The following NCKIPSD variants were observed in gnomAD, a reference collection of about 807,000 sequenced individuals.
NCKIPSD encodes NCK-interacting protein with SH3 domain.
NCKIPSD carries 48 observed loss-of-function variants against 73.4 expected under a neutral mutation model. That is an observed-to-expected ratio of 0.65 (90% CI 0.52 to 0.83). NCKIPSD has a LOEUF of 0.83. Ranked by LOEUF, NCKIPSD falls within the 40% of genes least tolerant of loss-of-function variation. The pLI, the probability that NCKIPSD is intolerant of heterozygous loss-of-function variation, is 0.00. For missense variants in NCKIPSD, 884 were observed against 970.2 expected (o/e 0.91, Z 1.18); for synonymous variants, 422 against 403.6 (o/e 1.05, Z -0.54).
At position 48,674,391 on chromosome 3, in the gene NCKIPSD, C is replaced by T. The variant is rs2077220177; in HGVS notation, c.*153G>A. On this transcript the variant is annotated 3_prime_UTR_variant, in exon 13 of 13. Coordinates refer to ENST00000294129, the MANE Select transcript of NCKIPSD (RefSeq NM_016453.4). Reference sequence around the variant, plus strand: ...ATGGTCCCCAATCCTACACTTGGCCCCTCTCTTAAGTTCTACTTCAGGTGG... The same window carrying T: ...ATGGTCCCCAATCCTACACTTGGCCTCTCTCTTAAGTTCTACTTCAGGTGG... 2.1e-6 allele frequency: 3 copies of T among 1,453,158 alleles called. No individual in the cohort carries two copies. The highest frequency in any genetic ancestry group is 2.4e-5 in the Admixed American group (1 of 41,034). The allele number at this position is 1,453,158 out of a possible 1,614,324, so 90.0% of individuals were successfully genotyped here.
At chr3:48,684,331 T>C (rs1441498988) in intron 1 of NCKIPSD, among the ~76,000 whole-genome samples, 1 of 152,182 alleles carries the variant, frequency 6.6e-6, no homozygotes, top group African/African-American at 2.4e-5. Context: ...CACAGGCCCT[T>C]GACCTATGCC....
intron 5 of NCKIPSD, 144 bp downstream of exon 5, chr3:48,681,143 T>C: frequency 7.9e-7 from 1 of 1,261,988 alleles, no homozygotes; most frequent in East Asian, 2.5e-5. Context: ...GCTTCAGAAA[T>C]CAGCTCAACG....
intron 1 of NCKIPSD, among the ~76,000 whole-genome samples, chr3:48,684,162 A>G (rs2077399836): frequency 6.6e-6 from 1 of 152,148 alleles, no homozygotes; most frequent in Admixed American, 6.5e-5. Flanking sequence ...AAACACACAC[A>G]TGTGGAGTCG....
Position 48,674,704 on chromosome 3 carries a change from G to A in NCKIPSD, c.2009C>T (p.Thr670Ile), listed in dbSNP as rs1440047371. 11 of 1,613,984 alleles carry A rather than the reference G, an allele frequency of 6.8e-6. No individual in the cohort carries two copies. The highest frequency in any genetic ancestry group is 9.3e-6 in the Non-Finnish European group (11 of 1,180,028). ...YLSLMHAIVR[T>I]TPYLQHRHRL... ...GTGGCGGTGCTGCAGGTAGGGTGTG[G>A]TGCGGACTATAGCATGCATCAGGGA... is the stretch of plus-strand genomic sequence containing the variant. Residue 670 changes from threonine (T) to isoleucine (I), a missense_variant, in exon 13 of 13, where the codon ACC (threonine) becomes ATC (isoleucine). By Grantham distance (89) the Thr-to-Ile change is moderately conservative (BLOSUM62 -1). Coordinates refer to ENST00000294129, the MANE Select transcript of NCKIPSD (RefSeq NM_016453.4).
chr3:48,682,425 C>A lies in NCKIPSD; in HGVS notation c.409G>T (p.Val137Leu), dbSNP rs150324090. The change falls in exon 3 of 13, where the codon GTG (valine) becomes TTG (leucine). Residue 137 changes from valine to leucine, a missense_variant. By Grantham distance (32) the Val-to-Leu change is conservative (BLOSUM62 1). Transcript: ENST00000294129. ...DAAAARQPNG[V>L]CRAGFERQHS... ...TGCCGCTCGAACCCAGCTCGACACA[C>A]CCCATTGGGCTGCCTGGCTGCAGCA... 197 of 1,614,160 alleles carry A rather than the reference C, an allele frequency of 1.2e-4. No individual in the cohort carries two copies. Among genetic ancestry groups the A allele is most frequent in the Middle Eastern group, 1.6e-4 (1 of 6,062 alleles).
rs149098672 is a variant in NCKIPSD, at chr3:48,679,728, T to C, written c.1351-15A>G. 93 of 1,614,146 alleles carry C rather than the reference T, an allele frequency of 5.8e-5. No individual in the cohort carries two copies. The East Asian group carries it at 2.1e-3, about 36-fold the overall frequency. On this transcript the variant is annotated splice_polypyrimidine_tract_variant and intron_variant, in intron 7 of 12. Coordinates refer to ENST00000294129, the MANE Select transcript of NCKIPSD (RefSeq NM_016453.4). ...GCTCGGTGTTCCTGGCAGGGAACCC[T>C]GCGTGCTCAGTGCCTGGAACTCCCC...
At chr3:48,684,191 G>A (rs1021067836) in intron 1 of NCKIPSD, among the ~76,000 whole-genome samples, 3 of 152,088 alleles carry the variant, frequency 2.0e-5, no homozygotes, top group African/African-American at 7.2e-5. Flanking sequence ...CAGGCAGAGA[G>A]GCACAGAGTC....
chr3:48,684,127 T>A (rs2077398881), intron 1 of NCKIPSD, among the ~76,000 whole-genome samples: 1 of 151,568 alleles, frequency 6.6e-6, no homozygotes, highest in African/African-American at 2.4e-5. Context: ...AGCCAGAGTG[T>A]GGGGGGAGCC....
chr3:48,680,269 GCCCT>G, intron 5 of NCKIPSD, 40 bp from the exon 6 acceptor site: 3 of 1,533,582 alleles, frequency 2.0e-6, no homozygotes, highest in Non-Finnish European at 2.6e-6. Flanking sequence ...CACACTCCCT[GCCCT>G]CACCATCTCC....
At chr3:48,681,100 C>T (rs551899884) in intron 5 of NCKIPSD, 187 bp downstream of exon 5, 243 of 885,820 alleles carry the variant, frequency 2.7e-4, no homozygotes, top group Admixed American at 8.5e-4. Flanking sequence ...GTCCAGGCTG[C>T]GCATCTGCCT....
chr3:48,679,020 G>A (rs1485563086), intron 10 of NCKIPSD, 35 bp downstream of exon 10: 4 of 1,614,048 alleles, frequency 2.5e-6, no homozygotes, highest in Admixed American at 3.3e-5. Context: ...GAGCCACCAT[G>A]TGCTCAGCCA....
At position 48,679,453 on chromosome 3, in the gene NCKIPSD, G is replaced by A. The variant is rs2106748775; in HGVS notation, c.1494C>T (p.His498=). 6.2e-7 allele frequency: 1 copy of A among 1,612,184 alleles called. No individual in the cohort carries two copies. The highest frequency in any genetic ancestry group is 2.2e-5 in the East Asian group (1 of 44,838). ...TGAGGGCAGAGTAACAGAGTTTCTGGTGGTCTGGGGGGGACAAGGCAGGCA... is the reference window on the plus strand; with the variant it reads ...TGAGGGCAGAGTAACAGAGTTTCTGATGGTCTGGGGGGGACAAGGCAGGCA... ...ARDMQTDTQD[H]QKLCYSALIL... is the part of the protein sequence containing the mutation. The change falls in exon 9 of 13, where the codon CAC becomes CAT. Residue 498 remains histidine (H), a synonymous_variant. Coordinates refer to ENST00000294129, the MANE Select transcript of NCKIPSD (RefSeq NM_016453.4).
At chr3:48,682,197 C>G (rs753147335) in intron 3 of NCKIPSD, 41 bp from the exon 4 acceptor site, 2 of 1,579,380 alleles carry the variant, frequency 1.3e-6, no homozygotes, top group African/African-American at 1.3e-5. Flanking sequence ...AGACTGACAT[C>G]TAGAGCGTCA....
At position 48,682,915 on chromosome 3, in the gene NCKIPSD, C is replaced by T. The variant is rs373462946; in HGVS notation, c.269G>A (p.Arg90His). 172 of 1,551,166 alleles carry T rather than the reference C, an allele frequency of 1.1e-4. 1 individual carries two copies. The African/African-American group carries it at 1.8e-3, about 16-fold the overall frequency. ...RDGGKYSLEQ[R>H]GVLQKLIHHR... ...CCTCAACACTCACTGGAGGACTCCA[C>T]GCTGTTCCAGGCTGTACTTGCCACC... is the stretch of plus-strand genomic sequence containing the variant. Residue 90 changes from arginine (R) to histidine (H), a missense_variant, in exon 2 of 13, where the codon CGT becomes CAT. By Grantham distance (29) the Arg-to-His change is conservative (BLOSUM62 0). Coordinates refer to ENST00000294129, the MANE Select transcript of NCKIPSD (RefSeq NM_016453.4).
rs1197994844 is a variant in NCKIPSD at position 48,682,908 on chromosome 3, G to T, written c.276C>A (p.Val92=). ...TCACTCCCCTCAACACTCACTGGAGGACTCCACGCTGTTCCAGGCTGTACT... is the reference window on the plus strand; with the variant it reads ...TCACTCCCCTCAACACTCACTGGAGTACTCCACGCTGTTCCAGGCTGTACT... ...GGKYSLEQRG[V]LQKLIHHRKE... is the part of the protein sequence containing the mutation. The change falls in exon 2 of 13, where the codon GTC becomes GTA. Residue 92 remains valine, a synonymous_variant. Transcript: ENST00000294129. The T allele has an allele frequency of 9.7e-6, 15 of 1,549,832 alleles. No individual in the cohort carries two copies. The highest frequency in any genetic ancestry group is 1.2e-5 in the Non-Finnish European group (14 of 1,146,460).
chr3:48,682,982 C>T lies in NCKIPSD; in HGVS notation c.202G>A (p.Asp68Asn). Reference protein sequence around the residue: ...GLEQDVLQAIDRAIEAVHNTA... With the variant: ...GLEQDVLQAINRAIEAVHNTA... ...TTGTGTACAGCCTCGATGGCCCGGTCAATGGCCTGGAGGACATCCTGCTCC... is the reference window on the plus strand; with the variant it reads ...TTGTGTACAGCCTCGATGGCCCGGTTAATGGCCTGGAGGACATCCTGCTCC... Residue 68 changes from aspartate to asparagine, a missense_variant, in exon 2 of 13, where the codon GAC (aspartate) becomes AAC (asparagine). Physicochemically the swap from Asp to Asn is conservative, Grantham distance 23 (BLOSUM62 1). Transcript: ENST00000294129. 1 of 1,551,212 alleles carries T rather than the reference C, an allele frequency of 6.4e-7. No individual in the cohort carries two copies.
chr3:48,676,076 G>C (rs2077252492), intron 12 of NCKIPSD, among the ~76,000 whole-genome samples: 1 of 152,146 alleles, frequency 6.6e-6, no homozygotes, highest in Non-Finnish European at 1.5e-5. Flanking sequence ...CCATGTGCAG[G>C]CCTGAATGTC....
chr3:48,679,970 T>C (rs1408405490), intron 6 of NCKIPSD, 83 bp from the exon 7 acceptor site: 25 of 1,610,392 alleles, frequency 1.6e-5, no homozygotes, highest in Admixed American at 5.0e-5. Flanking sequence ...CACATATGTG[T>C]AGGGGAGACT....
Position 48,681,603 on chromosome 3 carries a change from T to C in NCKIPSD, c.776A>G (p.Gln259Arg), listed in dbSNP as rs778797232. ...RGTHTTVSQV[Q>R]PPPSKASAPE... ...TGCTGATGCCTTGGAGGGAGGGGGCTGGACTTGGGACACGGTGGTGTGGGT... is the reference window on the plus strand; with the variant it reads ...TGCTGATGCCTTGGAGGGAGGGGGCCGGACTTGGGACACGGTGGTGTGGGT... Residue 259 changes from glutamine (Q) to arginine (R), a missense_variant, in exon 5 of 13, where the codon CAG (glutamine) becomes CGG (arginine). Transcript: ENST00000294129. 1 of 1,613,858 alleles carries C rather than the reference T, an allele frequency of 6.2e-7. No homozygotes were observed. Among genetic ancestry groups the C allele is most frequent in the Admixed American group, 1.7e-5 (1 of 60,006 alleles).
Sources: allele counts gnomAD v4.1 joint callset (sites outside exome capture counted in the v4.1 genomes callset), GRCh38; gene constraint gnomAD v4.1.1; transcripts MANE v1.5; gene names NCBI Gene and HGNC (gene_info 2026-07-23, HGNC 2026-07-21).